BEND7: variants seen among roughly 807,000 people sequenced by gnomAD.
BEND7 encodes the protein BEN domain containing 7, also known as BEN domain-containing protein 7.
In BEND7, 28 loss-of-function variants were observed where a neutral mutation model predicts 50.9. The ratio of observed to expected loss-of-function variants is 0.55; its 90% CI spans 0.41 to 0.75. The LOEUF (loss-of-function observed/expected upper bound fraction) is 0.75. Among genes scored for constraint, BEND7 ranks in the 30% least tolerant of loss-of-function variants. BEND7 has a pLI of 0.00. For missense variants in BEND7, 477 were observed against 491.3 expected, an observed-to-expected ratio of 0.97 and a Z score of 0.28; for synonymous variants, 170 against 183.9, an observed-to-expected ratio of 0.92 and a Z score of 0.61.
At chr10:13,512,200 G>A (rs1295070071) in intron 2 of BEND7, among the ~76,000 whole-genome samples, 1 of 152,170 alleles carries the variant, frequency 6.6e-6, no homozygotes, top group African/African-American at 2.4e-5. Context: ...TAAGGCTGCA[G>A]TATGCTACAA....
At chr10:13,527,933 C>T (rs2079535836) in intron 1 of BEND7, 1 of 750,706 alleles carries the variant, frequency 1.3e-6, no homozygotes, top group African/African-American at 1.9e-5. Flanking sequence ...GCTATATGAT[C>T]TAGTCTAAAA....
chr10:13,494,232 C>G (rs1479511832), intron 4 of BEND7, among the ~76,000 whole-genome samples: 1 of 152,170 alleles, frequency 6.6e-6, no homozygotes, highest in Non-Finnish European at 1.5e-5. Context: ...TCCTGGCCAA[C>G]ATGGTGAAAC....
chr10:13,442,782 C>T (rs1188102031), intron 8 of BEND7: 3 of 152,158 alleles, frequency 2.0e-5, no homozygotes, highest in East Asian at 1.9e-4. Flanking sequence ...TTCCTAAGAA[C>T]TCATAGGTCA....
intron 2 of BEND7, among the ~76,000 whole-genome samples, chr10:13,501,522 G>A (rs1002686301): frequency 6.6e-6 from 1 of 151,956 alleles, no homozygotes; most frequent in African/African-American, 2.4e-5. Context: ...GAAGAGAAAT[G>A]AATTTTTTTT....
chr10:13,525,408 A>G (rs559948168), intron 2 of BEND7, among the ~76,000 whole-genome samples: 155 of 152,326 alleles, frequency 1.0e-3, no homozygotes, highest in Non-Finnish European at 1.8e-3. Flanking sequence ...CACTTGCTGG[A>G]AAGTCTCAGA....
chr10:13,501,647 G>A (rs934783318), intron 2 of BEND7, among the ~76,000 whole-genome samples: 2 of 152,046 alleles, frequency 1.3e-5, no homozygotes, highest in African/African-American at 4.8e-5. Flanking sequence ...AGGAGTTTGC[G>A]ACCAGCCTGG....
At chr10:13,513,372 C>G (rs1384692163) in intron 2 of BEND7, among the ~76,000 whole-genome samples, 1 of 152,170 alleles carries the variant, frequency 6.6e-6, no homozygotes, top group South Asian at 2.1e-4. Flanking sequence ...CCTCAGGGCT[C>G]CAGAGCCATA....
Position 13,472,163 on chromosome 10 carries a change from G to A in BEND7, c.1063+8736C>T, listed in dbSNP as rs190017944. 7.3e-5 allele frequency among the ~76,000 whole-genome samples: 11 copies of A among 151,194 alleles called. No homozygotes were observed. In the East Asian group the frequency reaches 1.4e-3, roughly 19 times the overall value. ...GCTCTTAGACTCGGGGTTGATACTC[G>A]TCATCGCTGTTACACTCAGGGCCGA... On this transcript the variant is annotated intron_variant, in intron 6 of 8. Transcript: ENST00000466271.
intron 6 of BEND7, among the ~76,000 whole-genome samples, chr10:13,473,563 A>AGACTCG (rs33957495): frequency 1.8e-4 from 3 of 16,918 alleles, no homozygotes; most frequent in African/African-American, 5.2e-4. Flanking sequence ...CATCACTGTT[A>AGACTCG]GGGCCAATAT....
At chr10:13,463,632 T>C (rs2073940462) in intron 6 of BEND7, among the ~76,000 whole-genome samples, 3 of 151,996 alleles carry the variant, frequency 2.0e-5, no homozygotes, top group South Asian at 4.1e-4. Flanking sequence ...AATAAAACTT[T>C]GTTGGAAAAA....
chr10:13,465,781 T>C (rs1383866706), intron 6 of BEND7, among the ~76,000 whole-genome samples: 1 of 152,130 alleles, frequency 6.6e-6, no homozygotes, highest in African/African-American at 2.4e-5. Context: ...CCCACAGTGC[T>C]CCCTTTGTTA....
chr10:13,470,670 C>T (rs34218194), intron 6 of BEND7, among the ~76,000 whole-genome samples: 14,616 of 152,092 alleles, frequency 0.096, 738 homozygotes, highest in Middle Eastern at 0.13. Flanking sequence ...TATGGAAGGC[C>T]GGTGATGAAG....
At chr10:13,501,358 G>A (rs1189497064) in intron 2 of BEND7, among the ~76,000 whole-genome samples, 2 of 96,190 alleles carry the variant, frequency 2.1e-5, no homozygotes, top group Non-Finnish European at 3.8e-5. Flanking sequence ...TAGGCAACAA[G>A]AGTGAAACTC....
At chr10:13,470,617 A>G (rs993668007) in intron 6 of BEND7, among the ~76,000 whole-genome samples, 2 of 152,228 alleles carry the variant, frequency 1.3e-5, no homozygotes, top group African/African-American at 4.8e-5. Flanking sequence ...TAGTAAACAT[A>G]TGAATTCACA....
At chr10:13,523,238 T>TGA (rs1325823289) in intron 2 of BEND7, among the ~76,000 whole-genome samples, 2 of 152,206 alleles carry the variant, frequency 1.3e-5, no homozygotes, top group African/African-American at 4.8e-5. Context: ...ACAGCCAGCT[T>TGA]GAGAAAGTCA....
intron 6 of BEND7, among the ~76,000 whole-genome samples, chr10:13,463,953 G>A (rs1179009207): frequency 6.6e-6 from 1 of 152,260 alleles, no homozygotes; most frequent in African/African-American, 2.4e-5. Context: ...AACTTCATTA[G>A]TGATCAGAGA....
intron 6 of BEND7, among the ~76,000 whole-genome samples, chr10:13,464,154 C>CTT (rs2073992396): frequency 6.6e-6 from 1 of 152,220 alleles, no homozygotes; most frequent in Non-Finnish European, 1.5e-5. Flanking sequence ...GTTACTCGGC[C>CTT]GTTCCATTGC....
At chr10:13,496,216 C>A (rs2077003822) in intron 4 of BEND7, among the ~76,000 whole-genome samples, 1 of 152,210 alleles carries the variant, frequency 6.6e-6, no homozygotes, top group African/African-American at 2.4e-5. Flanking sequence ...CCACACAGCT[C>A]CAAAAGCAGA....
At chr10:13,484,196 C>T (rs992578543) in intron 5 of BEND7, among the ~76,000 whole-genome samples, 3 of 152,166 alleles carry the variant, frequency 2.0e-5, no homozygotes, top group African/African-American at 7.2e-5. Context: ...TTCTTCTCGG[C>T]CTGTCTCCTA....
Sources: gnomAD v4.1 joint callset for allele counts (sites outside exome capture counted in the v4.1 genomes callset) on GRCh38, gnomAD v4.1.1 for gene constraint, MANE v1.5 for transcripts, NCBI Gene and HGNC (gene_info 2026-07-23, HGNC 2026-07-21) for gene names.